Variants in DGKB observed in about 807,000 individuals in gnomAD.
DGKB encodes 90 kDa diacylglycerol kinase.
Under a neutral mutation model 114.3 loss-of-function variants are expected in DGKB, and 67 were observed. The ratio of observed to expected loss-of-function variants is 0.59; its 90% confidence interval spans 0.48 to 0.72. The LOEUF (loss-of-function observed/expected upper bound fraction) is 0.72. Among genes scored for constraint, DGKB ranks in the 30% least tolerant of loss-of-function variants. The probability of loss-of-function intolerance (pLI) is 0.00; values close to 1 mark genes in which losing one functional copy is unlikely to be tolerated. For synonymous variants in DGKB, 398 were observed against 323.1 expected (o/e 1.23, Z -2.49); for missense variants, 907 against 975.2 (o/e 0.93, Z 0.93).
At chr7:14,952,615 G>T (rs1033393506) in intron 1 of DGKB, among the ~76,000 whole-genome samples, 3 of 151,766 alleles carry the variant, frequency 2.0e-5, no homozygotes, top group Admixed American at 6.6e-5. Context: ...AATTAGCCAG[G>T]CATGGTGGCG....
intron 21 of DGKB, among the ~76,000 whole-genome samples, chr7:14,436,012 T>G (rs2128801371): frequency 6.6e-6 from 1 of 152,178 alleles, no homozygotes; most frequent in South Asian, 2.1e-4. Flanking sequence ...TGGCACAAAA[T>G]ATTTCAAATG....
At chr7:14,447,741 A>G (rs985388080) in intron 21 of DGKB, among the ~76,000 whole-genome samples, 2 of 152,146 alleles carry the variant, frequency 1.3e-5, no homozygotes, top group African/African-American at 4.8e-5. Context: ...CATACAGTGT[A>G]TCACAGCCAA....
At chr7:14,801,766 C>G (rs1383823432) in intron 2 of DGKB, among the ~76,000 whole-genome samples, 3 of 151,830 alleles carry the variant, frequency 2.0e-5, no homozygotes, top group African/African-American at 4.8e-5. Flanking sequence ...GACTTTACAA[C>G]CTCCATAATC....
chr7:14,863,120 G>GTAGTT (rs10653568), intron 1 of DGKB, among the ~76,000 whole-genome samples: 36,213 of 151,104 alleles, frequency 0.24, 4,717 homozygotes, highest in African/African-American at 0.34. Flanking sequence ...TTTTTATGTG[G>GTAGTT]TAAAGTGCCA....
chr7:14,812,882 G>A (rs1283227714), intron 2 of DGKB, among the ~76,000 whole-genome samples: 1 of 152,142 alleles, frequency 6.6e-6, no homozygotes, highest in Non-Finnish European at 1.5e-5. Context: ...CATCAGTTAA[G>A]TGCTTCCTCT....
chr7:14,947,645 C>T (rs950233414), intron 1 of DGKB, among the ~76,000 whole-genome samples: 8 of 142,258 alleles, frequency 5.6e-5, no homozygotes, highest in African/African-American at 2.1e-4. Flanking sequence ...ATGTGTGTCT[C>T]TGTGTGTAGG....
chr7:14,915,754 G>A (rs766687092), intron 1 of DGKB, among the ~76,000 whole-genome samples: 3 of 152,016 alleles, frequency 2.0e-5, no homozygotes, highest in Non-Finnish European at 4.4e-5. Flanking sequence ...AATAAAGACT[G>A]TCTCAGAAAA....
At chr7:14,154,088 G>A (rs1347236485) in intron 25 of DGKB, among the ~76,000 whole-genome samples, 1 of 150,826 alleles carries the variant, frequency 6.6e-6, no homozygotes, top group East Asian at 2.0e-4. Context: ...ATTTGCAAGA[G>A]AGCTAGACAG....
At chr7:14,427,202 G>A (rs373737200) in intron 21 of DGKB, among the ~76,000 whole-genome samples, 10 of 152,036 alleles carry the variant, frequency 6.6e-5, no homozygotes, top group East Asian at 1.9e-4. Flanking sequence ...ACATGTTTAC[G>A]TATGTAACAA....
At chr7:14,169,514 C>T (rs7780524) in intron 25 of DGKB, among the ~76,000 whole-genome samples, 88,476 of 151,978 alleles carry the variant, frequency 0.58, 26,526 homozygotes, top group African/African-American at 0.71. Context: ...AGGCAAAAAA[C>T]GAAGTACTAT....
At chr7:14,789,074 G>T (rs1018447118) in intron 2 of DGKB, among the ~76,000 whole-genome samples, 3 of 151,394 alleles carry the variant, frequency 2.0e-5, no homozygotes, top group African/African-American at 7.3e-5. Context: ...TACCACTGGA[G>T]GAATTTTTTT....
At chr7:14,771,350 CTT>C (rs1169152625) in intron 2 of DGKB, among the ~76,000 whole-genome samples, 1 of 152,102 alleles carries the variant, frequency 6.6e-6, no homozygotes, top group African/African-American at 2.4e-5. Flanking sequence ...AATAAACTCT[CTT>C]CTTTCCCAGT....
At chr7:14,859,160 A>G (rs544997221) in intron 1 of DGKB, among the ~76,000 whole-genome samples, 3 of 152,124 alleles carry the variant, frequency 2.0e-5, no homozygotes, top group African/African-American at 4.8e-5. Flanking sequence ...CATGATCAGT[A>G]ATCAAGAAAT....
intron 21 of DGKB, among the ~76,000 whole-genome samples, chr7:14,422,017 A>G (rs1826793071): frequency 6.6e-6 from 1 of 152,080 alleles, no homozygotes; most frequent in South Asian, 2.1e-4. Flanking sequence ...CTGGGAAAAT[A>G]ATAAGCATAT....
rs1460125753 is a variant in DGKB, at chr7:14,389,606, CA to C, written c.1836-44216del. Reference sequence around the variant, plus strand: ...GTTGAAGATATTTACAAGTTGCTTTCAGCTTAAAAATAAATCACCTCTAATT... The same window carrying C: ...GTTGAAGATATTTACAAGTTGCTTTCGCTTAAAAATAAATCACCTCTAATT... On this transcript the variant is annotated intron_variant, in intron 21 of 25. Transcript: ENST00000402815. Among the ~76,000 whole-genome samples, 12 of 152,312 alleles carry C rather than the reference CA, an allele frequency of 7.9e-5. No homozygotes were observed. The South Asian group carries it at 2.3e-3, about 29-fold the overall frequency.
intron 14 of DGKB, among the ~76,000 whole-genome samples, chr7:14,628,722 G>T (rs1809109529): frequency 6.6e-6 from 1 of 152,014 alleles, no homozygotes; most frequent in Admixed American, 6.6e-5. Flanking sequence ...TTGTCTTTCT[G>T]TGTGTATATA....
Position 14,289,930 on chromosome 7 carries a change from T to C in DGKB, c.2122+48585A>G, listed in dbSNP as rs532386600. On this transcript the variant is annotated intron_variant, in intron 23 of 25. Coordinates refer to ENST00000402815, the MANE Select transcript of DGKB (RefSeq NM_001350709.2). ...GTAGCATATTTCTGCCTTTCATGCT[T>C]GTTACTTCAGGTGGTTAACCTGAAC... is the stretch of plus-strand genomic sequence containing the variant. Among the ~76,000 whole-genome samples the C allele has an allele frequency of 3.7e-4, 57 of 152,308 alleles. No homozygotes were observed. The South Asian group carries it at 0.011, about 30-fold the overall frequency.
At chr7:14,163,649 C>G (rs1054856930) in intron 25 of DGKB, among the ~76,000 whole-genome samples, 1 of 152,072 alleles carries the variant, frequency 6.6e-6, no homozygotes, top group Non-Finnish European at 1.5e-5. Flanking sequence ...TTCAAGGGGG[C>G]AGAAGACTAT....
At chr7:14,808,904 A>G (rs1221385131) in intron 2 of DGKB, among the ~76,000 whole-genome samples, 1 of 152,132 alleles carries the variant, frequency 6.6e-6, no homozygotes, top group Non-Finnish European at 1.5e-5. Flanking sequence ...CAACTAAGGT[A>G]CAGCTCTAAA....
Sources: allele counts gnomAD v4.1 joint callset (sites outside exome capture counted in the v4.1 genomes callset), GRCh38; gene constraint gnomAD v4.1.1; transcripts MANE v1.5; gene names NCBI Gene and HGNC (gene_info 2026-07-23, HGNC 2026-07-21).